CDC25B: variants seen among roughly 807,000 people sequenced by gnomAD.
The protein encoded by CDC25B is M-phase inducer phosphatase 2.
Under a neutral mutation model 69.8 loss-of-function variants are expected in CDC25B, and 33 were observed. The ratio of observed to expected loss-of-function variants is 0.47; its 90% CI spans 0.36 to 0.63. The LOEUF (loss-of-function observed/expected upper bound fraction) is 0.63, where lower values mean the gene tolerates loss of function less well. Among genes scored for constraint, CDC25B ranks in the 30% least tolerant of loss-of-function variants. CDC25B has a pLI of 0.00. For missense variants in CDC25B, 727 were observed against 809.1 expected, an observed-to-expected ratio of 0.90 and a Z score of 1.23; for synonymous variants, 341 against 314.6, an observed-to-expected ratio of 1.08 and a Z score of -0.89.
At chr20:3,798,908 G>C (rs2089163830) in intron 3 of CDC25B, among the ~76,000 whole-genome samples, 1 of 152,162 alleles carries the variant, frequency 6.6e-6, no homozygotes, top group Non-Finnish European at 1.5e-5. Flanking sequence ...GATTGATTTG[G>C]CTCTTGGCCG....
At position 3,800,961 on chromosome 20, in the gene CDC25B, T is replaced by C; in HGVS notation, c.583-10T>C. 1 of 1,613,944 alleles carries C rather than the reference T, an allele frequency of 6.2e-7. No homozygotes were observed. Among genetic ancestry groups the C allele is most frequent in the Non-Finnish European group, 8.5e-7 (1 of 1,179,846 alleles). ...CATGTGAGGACCCTCCTCTCCCATC[T>C]TGGCTGCAGGATGGATTTGTCTTCA... On this transcript the variant is annotated splice_polypyrimidine_tract_variant and intron_variant, in intron 6 of 15. Transcript: ENST00000245960.
At chr20:3,799,525 T>TGTGTGTGTGCGC (rs1211874383) in intron 3 of CDC25B, among the ~76,000 whole-genome samples, 10 of 68,782 alleles carry the variant, frequency 1.5e-4, no homozygotes, top group South Asian at 4.6e-4. Flanking sequence ...TGTGTGTGTG[T>TGTGTGTGTGCGC]GCGCGCGCGC....
intron 1 of CDC25B, among the ~76,000 whole-genome samples, chr20:3,788,577 T>G (rs1003011500): frequency 9.2e-5 from 14 of 152,208 alleles, no homozygotes; most frequent in African/African-American, 2.9e-4. Context: ...ATAAAAGATA[T>G]TCTTTTAATC....
At chr20:3,789,028 C>T (rs750352551) in intron 1 of CDC25B, among the ~76,000 whole-genome samples, 18 of 152,192 alleles carry the variant, frequency 1.2e-4, no homozygotes, top group Non-Finnish European at 2.2e-4. Flanking sequence ...TACCCTTTGC[C>T]TGTAGCAGTG....
chr20:3,787,447 C>T (rs1315678847), intron 1 of CDC25B, among the ~76,000 whole-genome samples: 4 of 152,158 alleles, frequency 2.6e-5, no homozygotes, highest in African/African-American at 7.2e-5. Context: ...GTGCTAATGA[C>T]ATTTTTAAAG....
intron 7 of CDC25B, 61 bp downstream of exon 7, chr20:3,801,154 G>A (rs1336734315): frequency 6.8e-6 from 11 of 1,608,002 alleles, no homozygotes; most frequent in Non-Finnish European, 9.4e-6. Flanking sequence ...AGAAGAGGAG[G>A]GTGGCCCTGA....
At chr20:3,792,506 C>T (rs767964271), upstream of CDC25B, among the ~76,000 whole-genome samples, 1 of 151,680 alleles carries the variant, frequency 6.6e-6, no homozygotes, top group Non-Finnish European at 1.5e-5. Context: ...TTGCTCTTTT[C>T]GCCCAGGCTG....
At chr20:3,796,294 A>C (rs2089035576), upstream of CDC25B, 16 of 1,359,026 alleles carry the variant, frequency 1.2e-5, no homozygotes, top group Non-Finnish European at 1.4e-5. Context: ...AGGAGGTGGA[A>C]GTGGCAGCTG....
chr20:3,806,019 T>C lies in CDC25B; in HGVS notation c.*1058T>C, dbSNP rs561933073. The C allele has an allele frequency of 1.0e-5, 4 of 398,642 alleles. No homozygotes were observed. Among genetic ancestry groups the C allele is most frequent in the African/African-American group, 6.2e-5 (3 of 48,770 alleles). 24.7% of individuals were successfully genotyped at this position (398,642 alleles called of 1,614,324 possible). Reference sequence around the variant, plus strand: ...AACCAAGGACTGAGCACCCTCTGGATTCTGAATCTCAAGATGGGGGCAGGG... The same window carrying C: ...AACCAAGGACTGAGCACCCTCTGGACTCTGAATCTCAAGATGGGGGCAGGG... On this transcript the variant is annotated 3_prime_UTR_variant, in exon 16 of 16. Transcript: ENST00000245960.
intron 1 of CDC25B, among the ~76,000 whole-genome samples, chr20:3,788,502 A>C (rs776746808): frequency 1.1e-4 from 17 of 152,168 alleles, no homozygotes; most frequent in Non-Finnish European, 2.2e-4. Context: ...TCAACCTGTC[A>C]ATTTTTTCCT....
intron 10 of CDC25B, 53 bp downstream of exon 10, chr20:3,802,153 C>T (rs2089307466): frequency 6.5e-7 from 1 of 1,538,070 alleles, no homozygotes; most frequent in Admixed American, 2.0e-5. Context: ...GCAGCCACCC[C>T]CTTGGCTAAG....
At position 3,796,429 on chromosome 20, in the gene CDC25B, C is replaced by A. The variant is rs1189914383; in HGVS notation, c.-103C>A. On this transcript the variant is annotated 5_prime_UTR_variant, in exon 1 of 16. Transcript: ENST00000245960. ...CCTCCCTCCCTCCTTCCCCCCCCCC[C>A]CACCCCTCGCCCGCTGCCTCCCTCG... 24 of 329,036 alleles carry A rather than the reference C, an allele frequency of 7.3e-5. 1 individual carries two copies. Among genetic ancestry groups the A allele is most frequent in the South Asian group, 1.7e-4 (4 of 23,092 alleles). The allele number at this position is 329,036 out of a possible 1,614,324, so 20.4% of individuals were successfully genotyped here.
intron 3 of CDC25B, among the ~76,000 whole-genome samples, chr20:3,799,518 G>GTC (rs2089191424): frequency 1.9e-5 from 1 of 51,596 alleles, no homozygotes; most frequent in Non-Finnish European, 4.0e-5. Context: ...GTGTGTGTGT[G>GTC]TGTGTGTGCG....
chr20:3,799,001 G>T (rs1457066560), intron 3 of CDC25B, among the ~76,000 whole-genome samples: 1 of 152,312 alleles, frequency 6.6e-6, no homozygotes, highest in East Asian at 1.9e-4. Flanking sequence ...TGGAGAGAGA[G>T]TTGGTGGGCT....
At position 3,804,985 on chromosome 20, in the gene CDC25B, C is replaced by G; in HGVS notation, c.*24C>G. On this transcript the variant is annotated 3_prime_UTR_variant, in exon 16 of 16. Coordinates refer to ENST00000245960, the MANE Select transcript of CDC25B (RefSeq NM_021873.4). Reference sequence around the variant, plus strand: ...GAGGGGCCTGCGCCAGTCCTGCTACCTCCCTTGCCTTTCGAGGCCTGAAGC... The same window carrying G: ...GAGGGGCCTGCGCCAGTCCTGCTACGTCCCTTGCCTTTCGAGGCCTGAAGC... 1 of 1,603,976 alleles carries G rather than the reference C, an allele frequency of 6.2e-7. No individual in the cohort carries two copies.
At position 3,802,109 on chromosome 20, in the gene CDC25B, C is replaced by A; in HGVS notation, c.1098+9C>A. 1 of 1,546,492 alleles carries A rather than the reference C, an allele frequency of 6.5e-7. No individual in the cohort carries two copies. The highest frequency in any genetic ancestry group is 8.8e-7 in the Non-Finnish European group (1 of 1,142,814). On this transcript the variant is annotated intron_variant, in intron 10 of 15. Coordinates refer to ENST00000245960, the MANE Select transcript of CDC25B (RefSeq NM_021873.4). ...AGGAGGCTGAGGAACCTGTGAGTGCCTTCCTCCTGGGGTTCACTTTGGCAT... is the reference window on the plus strand; with the variant it reads ...AGGAGGCTGAGGAACCTGTGAGTGCATTCCTCCTGGGGTTCACTTTGGCAT...
At position 3,802,110 on chromosome 20, in the gene CDC25B, T is replaced by C; in HGVS notation, c.1098+10T>C. On this transcript the variant is annotated intron_variant, in intron 10 of 15. Transcript: ENST00000245960. ...GGAGGCTGAGGAACCTGTGAGTGCC[T>C]TCCTCCTGGGGTTCACTTTGGCATG... 1 of 1,546,112 alleles carries C rather than the reference T, an allele frequency of 6.5e-7. No homozygotes were observed. Among genetic ancestry groups the C allele is most frequent in the Non-Finnish European group, 8.8e-7 (1 of 1,142,608 alleles).
intron 1 of CDC25B, among the ~76,000 whole-genome samples, chr20:3,789,576 G>A (rs2088878859): frequency 2.0e-5 from 3 of 152,038 alleles, no homozygotes; most frequent in South Asian, 4.1e-4. Context: ...TCACCATGTT[G>A]GCCAGGCTAG....
chr20:3,802,173 G>C (rs1470323053), intron 10 of CDC25B, 73 bp downstream of exon 10: 1 of 1,543,752 alleles, frequency 6.5e-7, no homozygotes, highest in Non-Finnish European at 8.8e-7. Flanking sequence ...GTTTGTGGCA[G>C]AGGGCAGGTG....
Sources: allele counts gnomAD v4.1 joint callset (sites outside exome capture counted in the v4.1 genomes callset), GRCh38; gene constraint gnomAD v4.1.1; transcripts MANE v1.5; gene names NCBI Gene and HGNC (gene_info 2026-07-23, HGNC 2026-07-21).